SRSF1: variants seen among roughly 807,000 people sequenced by gnomAD.
The protein encoded by SRSF1 is serine and arginine rich splicing factor 1.
In SRSF1, 1 loss-of-function variant was observed where a neutral mutation model predicts 25.9. The ratio of observed to expected loss-of-function variants is 0.04; its 90% CI spans 0.01 to 0.18. SRSF1 has a LOEUF of 0.18. SRSF1 is among the 10% of genes least tolerant of loss of function. The pLI, the probability that SRSF1 is intolerant of heterozygous loss-of-function variation, is 1.00. For synonymous variants in SRSF1, 132 were observed against 126.2 expected, an observed-to-expected ratio of 1.05 and a Z score of -0.31; for missense variants, 65 against 350.5, an observed-to-expected ratio of 0.19 and a Z score of 6.50.
chr17:57,996,735 T>C (rs983740476), downstream of SRSF1, among the ~76,000 whole-genome samples: 1 of 152,154 alleles, frequency 6.6e-6, no homozygotes, highest in African/African-American at 2.4e-5. Context: ...ATGGGATTTA[T>C]GATGTGGGGT....
the SRSF1 span, chr17:57,991,638 A>ACCC: frequency 2.4e-4 from 36 of 148,976 alleles, no homozygotes; most frequent in African/African-American, 9.0e-4. Flanking sequence ...TCAAAGTGAC[A>ACCC]CCCCCCCCAT....
rs1324189042 is a variant in SRSF1 at position 58,006,500 on chromosome 17, G to A, written c.222C>T (p.Arg74=). 5.0e-6 allele frequency: 8 copies of A among 1,613,354 alleles called. No individual in the cohort carries two copies. Among genetic ancestry groups the A allele is most frequent in the Admixed American group, 1.7e-5 (1 of 59,982 alleles). ...GGTACCCATCGTAATCATAGCCGTC[G>A]CGACCATACACCGCGTCTTCCGCGT... The part of the protein sequence containing the change: ...PRDAEDAVYG[R]DGYDYDGYRL... The change falls in exon 2 of 4, where the codon CGC becomes CGT. Residue 74 remains arginine (R), a synonymous_variant. Coordinates refer to ENST00000258962, the MANE Select transcript of SRSF1 (RefSeq NM_006924.5).
In SRSF1 at chr17:58,007,197, A is replaced by C. The variant is rs1033069573; in HGVS notation, c.-60T>G. On this transcript the variant is annotated 5_prime_UTR_variant, in exon 1 of 4. Transcript: ENST00000258962. ...CTTCCCACCAAGCCTAGCGCACGGC[A>C]GAGCGAGCCCGCAGCGGCACCACGT... 9 of 1,589,964 alleles carry C rather than the reference A, an allele frequency of 5.7e-6. No individual in the cohort carries two copies. Among genetic ancestry groups the C allele is most frequent in the Non-Finnish European group, 7.7e-6 (9 of 1,165,656 alleles).
At position 58,004,359 on chromosome 17, in the gene SRSF1, T is replaced by C. The variant is rs542688074; in HGVS notation, c.*1047A>G. 3 of 152,754 alleles carry C rather than the reference T, an allele frequency of 2.0e-5. No homozygotes were observed. Among genetic ancestry groups the C allele is most frequent in the Middle Eastern group, 3.4e-3 (1 of 294 alleles). 9.5% of individuals were successfully genotyped at this position (152,754 alleles called of 1,614,324 possible). On this transcript the variant is annotated 3_prime_UTR_variant, in exon 4 of 4. Coordinates refer to ENST00000258962, the MANE Select transcript of SRSF1 (RefSeq NM_006924.5). ...AAATCTAATGCTCCCATTTGCAATT[T>C]AATTTGTAAATTAAAGTCTTTTAAA... is the stretch of plus-strand genomic sequence containing the variant.
downstream of SRSF1, among the ~76,000 whole-genome samples, chr17:57,995,932 CAGG>C (rs1170056300): frequency 3.3e-5 from 5 of 151,944 alleles, no homozygotes; most frequent in South Asian, 2.1e-4. Context: ...TGCTTAAGCC[CAGG>C]AGTTCAAAAA....
At chr17:57,989,694 T>G in the SRSF1 span, 1 of 398,538 alleles carries the variant, frequency 2.5e-6, no homozygotes, top group Non-Finnish European at 4.4e-6. Flanking sequence ...CTTTTAGAGC[T>G]GATTCCCCAT....
chr17:58,005,160 T>A lies in SRSF1; in HGVS notation c.*246A>T. The A allele has an allele frequency of 1.8e-6, 1 of 556,640 alleles. No homozygotes were observed. Among genetic ancestry groups the A allele is most frequent in the Non-Finnish European group, 3.2e-6 (1 of 316,584 alleles). 34.5% of individuals were successfully genotyped at this position (556,640 alleles called of 1,614,324 possible). ...AGGGCAGATAGACATTTACACAATA[T>A]CACAGTCTGAAGAGTATGGAGTTAA... On this transcript the variant is annotated 3_prime_UTR_variant, in exon 4 of 4. Transcript: ENST00000258962. This position sits in a 1 kb window ranked among gnomAD's most constrained non-coding sequence, Gnocchi z 5.2.
At chr17:57,996,928 A>G (rs372567168), downstream of SRSF1, among the ~76,000 whole-genome samples, 1 of 152,326 alleles carries the variant, frequency 6.6e-6, no homozygotes, top group East Asian at 1.9e-4. Context: ...TCTCTTTATG[A>G]ATAGTTACCA....
intron 2 of SRSF1, 159 bp downstream of exon 2, chr17:58,006,184 T>C (rs1425306501): frequency 1.9e-6 from 2 of 1,058,804 alleles, no homozygotes; most frequent in Non-Finnish European, 2.7e-6. Flanking sequence ...ATTTGGTAAA[T>C]CACCACAGCA....
Position 58,003,409 on chromosome 17 carries a change from AATCTT to A in SRSF1, c.*1992_*1996del, listed in dbSNP as rs1340662264. ...GCTAACACATTAACACAAGAGTCAA[AATCTT>A]ATCTTACTTAACAATTTAAAGATTA... On this transcript the variant is annotated 3_prime_UTR_variant, in exon 4 of 4. Transcript: ENST00000258962. The A allele has an allele frequency of 6.6e-6, 1 of 152,236 alleles. No individual in the cohort carries two copies. The highest frequency in any genetic ancestry group is 2.4e-5 in the African/African-American group (1 of 41,452). 9.4% of individuals were successfully genotyped at this position (152,236 alleles called of 1,614,324 possible). A position where few individuals can be genotyped will look rare whatever the true frequency, so the allele number is the denominator to read the frequency against.
rs1296028745 is a variant in SRSF1, at chr17:58,004,176, T to G, written c.*1230A>C. 6.6e-6 allele frequency: 1 copy of G among 152,664 alleles called. No homozygotes were observed. Among genetic ancestry groups the G allele is most frequent in the Non-Finnish European group, 1.5e-5 (1 of 68,040 alleles). 9.5% of individuals were successfully genotyped at this position (152,664 alleles called of 1,614,324 possible). A position where few individuals can be genotyped will look rare whatever the true frequency, so the allele number is the denominator to read the frequency against. ...GGTGTTCAGATAAATTTTAGAAACT[T>G]AATCATCATAGAGACTAATTGGAAG... On this transcript the variant is annotated 3_prime_UTR_variant, in exon 4 of 4. Transcript: ENST00000258962.
At position 58,007,177 on chromosome 17, in the gene SRSF1, C is replaced by T. The variant is rs745322817; in HGVS notation, c.-40G>A. On this transcript the variant is annotated 5_prime_UTR_variant, in exon 1 of 4. Coordinates refer to ENST00000258962, the MANE Select transcript of SRSF1 (RefSeq NM_006924.5). ...GCGCGGACTCGAGAACAGGCCTTCC[C>T]ACCAAGCCTAGCGCACGGCAGAGCG... 6 of 1,609,212 alleles carry T rather than the reference C, an allele frequency of 3.7e-6. No homozygotes were observed. The South Asian group carries it at 5.5e-5, about 15-fold the overall frequency.
chr17:58,001,842 T>C lies in SRSF1; in HGVS notation c.*3564A>G, dbSNP rs1364488291. Among the ~76,000 whole-genome samples, 2 of 152,196 alleles carry C rather than the reference T, an allele frequency of 1.3e-5. No individual in the cohort carries two copies. The highest frequency in any genetic ancestry group is 2.9e-5 in the Non-Finnish European group (2 of 68,018). On this transcript the variant is annotated 3_prime_UTR_variant, in exon 4 of 4. Coordinates refer to ENST00000258962, the MANE Select transcript of SRSF1 (RefSeq NM_006924.5). ...TATGCCCCTTTACCTAAGTAAACAT[T>C]AGATCCTCTCTAATCTTCAAATTCA...
rs192550853 is a variant in SRSF1 at position 58,004,298 on chromosome 17, G to A, written c.*1108C>T. The A allele has an allele frequency of 1.1e-3, 169 of 152,720 alleles. No homozygotes were observed. Among genetic ancestry groups the A allele is most frequent in the African/African-American group, 3.8e-3 (157 of 41,550 alleles). 9.5% of individuals were successfully genotyped at this position (152,720 alleles called of 1,614,324 possible). A position where few individuals can be genotyped will look rare whatever the true frequency, so the allele number is the denominator to read the frequency against. The stretch of plus-strand genomic sequence containing the variant: ...GGTTGCAAGAAGTTACGTAATTTAA[G>A]TTTACTGGCATTGCTACCCACCTAA... On this transcript the variant is annotated 3_prime_UTR_variant, in exon 4 of 4. Transcript: ENST00000258962.
At chr17:57,989,571 A>G in the SRSF1 span, 2 of 397,896 alleles carry the variant, frequency 5.0e-6, no homozygotes, top group South Asian at 1.4e-4. Context: ...CCAAGGAGAT[A>G]TAGTAATTTG....
At chr17:58,006,657 T>G in intron 1 of SRSF1, 130 bp from the exon 2 acceptor site, 7 of 1,138,978 alleles carry the variant, frequency 6.1e-6, no homozygotes, top group East Asian at 2.6e-5. Context: ...ATAATAGGAA[T>G]GGCCCCTCCC....
In SRSF1 at chr17:58,003,189, C is replaced by T. The variant is rs1050977590; in HGVS notation, c.*2217G>A. On this transcript the variant is annotated 3_prime_UTR_variant, in exon 4 of 4. Coordinates refer to ENST00000258962, the MANE Select transcript of SRSF1 (RefSeq NM_006924.5). ...ATGACCACCAGAAAATAAGCAGCAT[C>T]TATAGTTTTTTAACCACTTTATAAC... is the stretch of plus-strand genomic sequence containing the variant. Among the ~76,000 whole-genome samples, 2 of 152,106 alleles carry T rather than the reference C, an allele frequency of 1.3e-5. No individual in the cohort carries two copies. The highest frequency in any genetic ancestry group is 6.6e-5 in the Admixed American group (1 of 15,264).
At position 58,002,379 on chromosome 17, in the gene SRSF1, G is replaced by A. The variant is rs949985381; in HGVS notation, c.*3027C>T. Among the ~76,000 whole-genome samples the A allele has an allele frequency of 1.3e-5, 2 of 152,074 alleles. No homozygotes were observed. The highest frequency in any genetic ancestry group is 2.9e-5 in the Non-Finnish European group (2 of 67,990). On this transcript the variant is annotated 3_prime_UTR_variant, in exon 4 of 4. Coordinates refer to ENST00000258962, the MANE Select transcript of SRSF1 (RefSeq NM_006924.5). ...CTACCAAGATTTCTGGTTTTCCTTA[G>A]GTTTTTAATTGTCACCCAAATAATC...
Position 58,002,520 on chromosome 17 carries a change from CAAG to C in SRSF1, c.*2883_*2885del, listed in dbSNP as rs879487427. Among the ~76,000 whole-genome samples the C allele has an allele frequency of 3.3e-5, 5 of 152,182 alleles. No individual in the cohort carries two copies. Among genetic ancestry groups the C allele is most frequent in the Admixed American group, 6.5e-5 (1 of 15,286 alleles). ...CCAAGGGGCTGTCAGTAGACAAATA[CAAG>C]AAGTAGCAGGCTAAAAGTTTTTAAC... On this transcript the variant is annotated 3_prime_UTR_variant, in exon 4 of 4. Transcript: ENST00000258962.
Sources: allele counts gnomAD v4.1 joint callset (sites outside exome capture counted in the v4.1 genomes callset), GRCh38; gene constraint gnomAD v4.1.1; non-coding constraint Gnocchi (gnomAD v3.1); transcripts MANE v1.5; gene names NCBI Gene and HGNC (gene_info 2026-07-23, HGNC 2026-07-21).